The following WIPF3 variants were observed in gnomAD, a reference collection of about 807,000 sequenced individuals.
WIPF3 encodes the protein WAS/WASL-interacting protein family member 3.
WIPF3 carries 33 observed loss-of-function variants against 38.9 expected under a neutral mutation model. The observed-to-expected ratio is 0.85, with a 90% CI of 0.64 to 1.14. WIPF3 has a LOEUF of 1.14. WIPF3 is among the 50% of genes most tolerant of loss of function. WIPF3 has a pLI of 0.00. For synonymous variants in WIPF3, 324 were observed against 269.3 expected (o/e 1.20, Z -1.99); for missense variants, 711 against 652.5 (o/e 1.09, Z -0.98).
chr7:29,884,361 T>TGCCCCCCCCCCCCCCCC lies in WIPF3; in HGVS notation c.867_868insGCCCCCCCCCCCCCCCC (p.Pro290AlafsTer90). 1 of 1,317,872 alleles carries TGCCCCCCCCCCCCCCCC rather than the reference T, an allele frequency of 7.6e-7. No individual in the cohort carries two copies. The highest frequency in any genetic ancestry group is 9.8e-7 in the Non-Finnish European group (1 of 1,017,910). 81.6% of individuals were successfully genotyped at this position (1,317,872 alleles called of 1,614,324 possible). A position where few individuals can be genotyped will look rare whatever the true frequency, so the allele number is the denominator to read the frequency against. On this transcript the variant is annotated frameshift_variant, in exon 5 of 9. Coordinates refer to ENST00000242140, the MANE Select transcript of WIPF3 (RefSeq NM_001080529.3). LOFTEE classifies it high-confidence loss of function. ...GCCCTGCGCAAGATGCGCAGGAGCC[T>TGCCCCCCCCCCCCCCCC]CCCGCCCCGCCGCCCCCGCTCCCCC...
chr7:29,853,092 G>T (rs772105896), intron 2 of WIPF3, among the ~76,000 whole-genome samples: 1 of 152,194 alleles, frequency 6.6e-6, no homozygotes, highest in Non-Finnish European at 1.5e-5. Context: ...TGATAAGAGA[G>T]TGAGGAAGTG....
At chr7:29,877,633 A>G (rs139082231) in intron 3 of WIPF3, among the ~76,000 whole-genome samples, 1 of 152,306 alleles carries the variant, frequency 6.6e-6, no homozygotes, top group African/African-American at 2.4e-5. Context: ...TAATGGACAA[A>G]CCACAGATTG....
rs13310795 is a variant in WIPF3 at position 29,884,605 on chromosome 7, T to C, written c.1099+12T>C. The C allele has an allele frequency of 0.49, 780,278 of 1,596,216 alleles. 194,735 individuals are homozygous for C. The highest frequency in any genetic ancestry group is 0.54 in the Middle Eastern group (3,261 of 6,028). On this transcript the variant is annotated intron_variant, in intron 5 of 8. Coordinates refer to ENST00000242140, the MANE Select transcript of WIPF3 (RefSeq NM_001080529.3). ...GCATGGCCGACCAGGTAAGGAGCGCTGCCTGGCCCAGTGCCCCTGGTGGAG... is the reference window on the plus strand; with the variant it reads ...GCATGGCCGACCAGGTAAGGAGCGCCGCCTGGCCCAGTGCCCCTGGTGGAG...
chr7:29,816,378 G>T (rs1380916365), intron 1 of WIPF3, among the ~76,000 whole-genome samples: 1 of 152,124 alleles, frequency 6.6e-6, no homozygotes, highest in Non-Finnish European at 1.5e-5. Context: ...CCCAGCTGGA[G>T]TGCAGTGGCC....
At chr7:29,811,329 G>A (rs902676153) in intron 1 of WIPF3, among the ~76,000 whole-genome samples, 5 of 151,934 alleles carry the variant, frequency 3.3e-5, no homozygotes, top group Non-Finnish European at 4.4e-5. Context: ...TAAATGTTCC[G>A]TGTTCCATAA....
chr7:29,848,013 C>A (rs1351320622), intron 2 of WIPF3, among the ~76,000 whole-genome samples: 5 of 152,136 alleles, frequency 3.3e-5, no homozygotes, highest in Non-Finnish European at 7.3e-5. Flanking sequence ...GCAGATGTTA[C>A]CATTTCTAGG....
intron 2 of WIPF3, among the ~76,000 whole-genome samples, chr7:29,867,318 G>C (rs900681051): frequency 6.6e-6 from 1 of 152,172 alleles, no homozygotes; most frequent in Non-Finnish European, 1.5e-5. Flanking sequence ...TGGATGAATG[G>C]GGAGAAGCCC....
At chr7:29,860,422 C>T (rs1417592913) in intron 2 of WIPF3, among the ~76,000 whole-genome samples, 1 of 152,056 alleles carries the variant, frequency 6.6e-6, no homozygotes, top group Non-Finnish European at 1.5e-5. Flanking sequence ...CTGGTGCCTC[C>T]CCCTGTCTCT....
At chr7:29,848,117 G>C (rs1180994048) in intron 2 of WIPF3, among the ~76,000 whole-genome samples, 1 of 152,166 alleles carries the variant, frequency 6.6e-6, no homozygotes, top group African/African-American at 2.4e-5. Context: ...CTTTTGCTGA[G>C]TTGAGTGGAC....
At chr7:29,863,659 G>C (rs1033342720) in intron 2 of WIPF3, among the ~76,000 whole-genome samples, 3 of 152,168 alleles carry the variant, frequency 2.0e-5, no homozygotes, top group Non-Finnish European at 4.4e-5. Context: ...ATCAACCTGG[G>C]AAGAACTGAC....
At chr7:29,868,687 C>T (rs1178396809) in intron 2 of WIPF3, among the ~76,000 whole-genome samples, 1 of 151,996 alleles carries the variant, frequency 6.6e-6, no homozygotes, top group Non-Finnish European at 1.5e-5. Context: ...TCCTAGAGTG[C>T]ACTCACACAA....
At chr7:29,857,243 G>C (rs983847317) in intron 2 of WIPF3, among the ~76,000 whole-genome samples, 5 of 151,832 alleles carry the variant, frequency 3.3e-5, no homozygotes, top group Admixed American at 6.6e-5. Flanking sequence ...TGTGACATAG[G>C]GTAGTTAAAC....
intron 2 of WIPF3, among the ~76,000 whole-genome samples, chr7:29,838,430 A>G (rs1463051093): frequency 6.6e-6 from 1 of 152,244 alleles, no homozygotes; most frequent in Non-Finnish European, 1.5e-5. Context: ...ATATAGCTAT[A>G]GGAGATTAAT....
chr7:29,832,224 A>G (rs1210933822), intron 1 of WIPF3, among the ~76,000 whole-genome samples: 4 of 152,226 alleles, frequency 2.6e-5, no homozygotes, highest in African/African-American at 9.6e-5. Flanking sequence ...TATTTTTGCC[A>G]CTGAATAAAA....
At chr7:29,818,661 C>A (rs2128062328) in intron 1 of WIPF3, among the ~76,000 whole-genome samples, 1 of 151,190 alleles carries the variant, frequency 6.6e-6, no homozygotes, top group Non-Finnish European at 1.5e-5. Flanking sequence ...GATAATTGAG[C>A]CTCCTTCTTT....
chr7:29,828,344 A>G lies in WIPF3; in HGVS notation c.-57-6324A>G, dbSNP rs185795982. On this transcript the variant is annotated intron_variant, in intron 1 of 8. Transcript: ENST00000242140. ...TAAAAGAGAGGCAAGCCCAGTCCAC[A>G]TCACTTCTGAATGAGTACAGACAGG... 7.2e-5 allele frequency among the ~76,000 whole-genome samples: 11 copies of G among 152,288 alleles called. No homozygotes were observed. The East Asian group carries it at 1.7e-3, about 24-fold the overall frequency.
chr7:29,907,758 T>G (rs146886047), intron 8 of WIPF3, among the ~76,000 whole-genome samples: 138 of 152,298 alleles, frequency 9.1e-4, no homozygotes, highest in African/African-American at 3.2e-3. Flanking sequence ...CTCTACAAAT[T>G]TAAGAAATAA....
At chr7:29,856,385 T>C (rs1332361379) in intron 2 of WIPF3, among the ~76,000 whole-genome samples, 2 of 152,158 alleles carry the variant, frequency 1.3e-5, no homozygotes, top group Admixed American at 1.3e-4. Flanking sequence ...CCCAGCACTT[T>C]GGGAGGCCAA....
rs1040192417 is a variant in WIPF3, at chr7:29,915,388, G to C, written c.*872G>C. On this transcript the variant is annotated 3_prime_UTR_variant, in exon 9 of 9. Coordinates refer to ENST00000242140, the MANE Select transcript of WIPF3 (RefSeq NM_001080529.3). ...GCTAAACTACCAGTTGTATCTCAGA[G>C]GTCTCCCCTTCTGCCCTTGCTTCGA... The C allele has an allele frequency of 2.6e-5, 4 of 152,092 alleles. No homozygotes were observed. Among genetic ancestry groups the C allele is most frequent in the Admixed American group, 2.6e-4 (4 of 15,274 alleles). 9.4% of individuals were successfully genotyped at this position (152,092 alleles called of 1,614,324 possible). A position where few individuals can be genotyped will look rare whatever the true frequency, so the allele number is the denominator to read the frequency against.
Sources: gnomAD v4.1 joint callset for allele counts (sites outside exome capture counted in the v4.1 genomes callset) on GRCh38, gnomAD v4.1.1 for gene constraint, MANE v1.5 for transcripts, NCBI Gene and HGNC (gene_info 2026-07-23, HGNC 2026-07-21) for gene names.